SUSD5: variants seen among roughly 807,000 people sequenced by gnomAD.
SUSD5 encodes the protein sushi domain-containing protein 5.
Under a neutral mutation model 29.5 loss-of-function variants are expected in SUSD5, and 33 were observed. The ratio of observed to expected loss-of-function variants is 1.12; its 90% CI spans 0.85 to 1.49. SUSD5 has a LOEUF of 1.49. SUSD5 is among the 40% of genes most tolerant of loss of function. SUSD5 has a pLI of 0.00. For missense variants in SUSD5, 776 were observed against 800.6 expected (o/e 0.97, Z 0.37); for synonymous variants, 308 against 325.3 (o/e 0.95, Z 0.57).
intron 4 of SUSD5, among the ~76,000 whole-genome samples, chr3:33,159,683 G>T (rs114195546): frequency 1.6e-3 from 227 of 145,584 alleles, no homozygotes; most frequent in South Asian, 3.4e-3. Context: ...ACCAAAATGG[G>T]GAAACACCAC....
At chr3:33,191,528 C>G (rs767342454) in intron 3 of SUSD5, among the ~76,000 whole-genome samples, 5 of 152,186 alleles carry the variant, frequency 3.3e-5, no homozygotes, top group Non-Finnish European at 7.3e-5. Context: ...TTCCCCTACA[C>G]TACTAGCCAT....
intron 3 of SUSD5, among the ~76,000 whole-genome samples, chr3:33,198,096 C>T (rs959626757): frequency 2.0e-5 from 3 of 152,178 alleles, no homozygotes; most frequent in Admixed American, 2.0e-4. Context: ...TTATTGAAAA[C>T]AGTGTAACAT....
chr3:33,187,853 T>C (rs2031813205), intron 3 of SUSD5, among the ~76,000 whole-genome samples: 1 of 137,824 alleles, frequency 7.3e-6, no homozygotes, highest in Non-Finnish European at 1.5e-5. Flanking sequence ...CCTTCCTGTG[T>C]CCATGTGTTC....
intron 4 of SUSD5, among the ~76,000 whole-genome samples, chr3:33,163,604 A>G (rs1234412564): frequency 6.6e-6 from 1 of 152,132 alleles, no homozygotes; most frequent in Non-Finnish European, 1.5e-5. Flanking sequence ...GCTCATGCTT[A>G]TAATCCCAGC....
At chr3:33,210,426 GGC>G (rs1459712609) in intron 2 of SUSD5, among the ~76,000 whole-genome samples, 1 of 152,214 alleles carries the variant, frequency 6.6e-6, no homozygotes, top group Admixed American at 6.5e-5. Context: ...AGTCCCATGT[GGC>G]TATTAAAACT....
At chr3:33,175,138 A>G in intron 3 of SUSD5, 64 bp from the exon 4 acceptor site, 1 of 1,557,686 alleles carries the variant, frequency 6.4e-7, no homozygotes, top group South Asian at 1.2e-5. Flanking sequence ...CCTATGAGAA[A>G]ACAGACTTAA....
At chr3:33,201,810 T>C (rs775406456) in intron 3 of SUSD5, among the ~76,000 whole-genome samples, 24 of 152,280 alleles carry the variant, frequency 1.6e-4, no homozygotes, top group South Asian at 4.2e-4. Flanking sequence ...CCCAAAGCCA[T>C]TGGTATCTTT....
chr3:33,218,367 G>A (rs939635013), intron 1 of SUSD5, among the ~76,000 whole-genome samples: 4 of 152,226 alleles, frequency 2.6e-5, no homozygotes, highest in African/African-American at 4.8e-5. Context: ...AGCAGAGGAG[G>A]TTCTAGGGCA....
At chr3:33,187,385 GT>G (rs745921089) in intron 3 of SUSD5, among the ~76,000 whole-genome samples, 5 of 152,200 alleles carry the variant, frequency 3.3e-5, no homozygotes, top group Admixed American at 6.5e-5. Context: ...TACACCATAT[GT>G]TTCTGGATTT....
At position 33,213,911 on chromosome 3, in the gene SUSD5, G is replaced by A. The variant is rs2032374406; in HGVS notation, c.290+17C>T. ...GCAACTGGGGTGAGTTGGAAAAGGA[G>A]TGCTCGCCTAACTTACCCAAGAGTA... On this transcript the variant is annotated intron_variant, in intron 2 of 4. Coordinates refer to ENST00000309558, the MANE Select transcript of SUSD5 (RefSeq NM_015551.2). 1.3e-6 allele frequency: 2 copies of A among 1,574,984 alleles called. No individual in the cohort carries two copies. The highest frequency in any genetic ancestry group is 2.1e-4 in the Middle Eastern group (1 of 4,678).
intron 3 of SUSD5, among the ~76,000 whole-genome samples, chr3:33,206,202 C>T (rs1430687712): frequency 6.6e-6 from 1 of 151,904 alleles, no homozygotes; most frequent in Non-Finnish European, 1.5e-5. Flanking sequence ...GGTGAAACCA[C>T]GTCTCTATTA....
At chr3:33,203,437 T>C (rs2032156543) in intron 3 of SUSD5, among the ~76,000 whole-genome samples, 1 of 152,220 alleles carries the variant, frequency 6.6e-6, no homozygotes, top group South Asian at 2.1e-4. Flanking sequence ...CCAAGGCTCC[T>C]GTCTTCCCTG....
chr3:33,213,456 T>C (rs937352267), intron 2 of SUSD5, among the ~76,000 whole-genome samples: 4 of 152,072 alleles, frequency 2.6e-5, no homozygotes, highest in Non-Finnish European at 5.9e-5. Flanking sequence ...AAAAGAACTA[T>C]GACAGAACTC....
chr3:33,188,127 C>T (rs574725359), intron 3 of SUSD5, among the ~76,000 whole-genome samples: 1 of 152,254 alleles, frequency 6.6e-6, no homozygotes, highest in Non-Finnish European at 1.5e-5. Flanking sequence ...TAAAAGGGCA[C>T]ATTTGCCTGC....
At chr3:33,207,739 A>G in intron 3 of SUSD5, 69 bp downstream of exon 3, 1 of 1,062,736 alleles carries the variant, frequency 9.4e-7, no homozygotes, top group Non-Finnish European at 1.4e-6. Context: ...TCTTCTAGAG[A>G]AACCAACCTC....
chr3:33,172,269 CTGT>C (rs1000422215), intron 4 of SUSD5, among the ~76,000 whole-genome samples: 4 of 152,076 alleles, frequency 2.6e-5, no homozygotes, highest in African/African-American at 9.7e-5. Context: ...CTCTCAGACA[CTGT>C]TAACAATCTG....
intron 3 of SUSD5, among the ~76,000 whole-genome samples, chr3:33,193,630 C>G (rs1348650343): frequency 6.6e-6 from 1 of 152,084 alleles, no homozygotes; most frequent in Non-Finnish European, 1.5e-5. Context: ...TAGATGAAAA[C>G]TGAAGCCTTT....
chr3:33,159,959 G>C (rs543269516), intron 4 of SUSD5, among the ~76,000 whole-genome samples: 1 of 152,216 alleles, frequency 6.6e-6, no homozygotes, highest in South Asian at 2.1e-4. Flanking sequence ...AATGGTCCTG[G>C]GAGTCAGCAA....
chr3:33,164,707 A>G (rs2031268137), intron 4 of SUSD5, among the ~76,000 whole-genome samples: 1 of 152,190 alleles, frequency 6.6e-6, no homozygotes, highest in Non-Finnish European at 1.5e-5. Context: ...AATGGGCAGG[A>G]GAACTGAATA....
Sources: allele counts gnomAD v4.1 joint callset (sites outside exome capture counted in the v4.1 genomes callset), GRCh38; gene constraint gnomAD v4.1.1; transcripts MANE v1.5; gene names NCBI Gene and HGNC (gene_info 2026-07-23, HGNC 2026-07-21).